Variants in PRKN observed in about 807,000 individuals in gnomAD.
PRKN encodes E3 ubiquitin-protein ligase parkin.
Under a neutral mutation model 59.5 loss-of-function variants are expected in PRKN, and 56 were observed. That is an observed-to-expected ratio of 0.94 (90% CI 0.76 to 1.18). The LOEUF is 1.18. PRKN is among the 50% of genes most tolerant of loss of function. The probability of loss-of-function intolerance (pLI) is 0.00; values close to 1 mark genes in which losing one functional copy is unlikely to be tolerated. For synonymous variants in PRKN, 250 were observed against 222.1 expected, an observed-to-expected ratio of 1.13 and a Z score of -1.12; for missense variants, 657 against 596.4, an observed-to-expected ratio of 1.10 and a Z score of -1.06.
At chr6:162,468,781 C>T (rs1245379580) in intron 1 of PRKN, among the ~76,000 whole-genome samples, 2 of 152,100 alleles carry the variant, frequency 1.3e-5, no homozygotes, top group Non-Finnish European at 2.9e-5. Flanking sequence ...TAAGTCTTCC[C>T]GTAAAACATT....
intron 5 of PRKN, among the ~76,000 whole-genome samples, chr6:161,975,995 TC>T (rs1321810510): frequency 6.6e-6 from 1 of 152,088 alleles, no homozygotes; most frequent in Non-Finnish European, 1.5e-5. Context: ...AACCTCCGCC[TC>T]CCAGGTTCAA....
intron 7 of PRKN, among the ~76,000 whole-genome samples, chr6:161,715,334 G>A (rs930521592): frequency 4.0e-5 from 6 of 151,896 alleles, no homozygotes; most frequent in Non-Finnish European, 7.4e-5. Flanking sequence ...CCTGACTTTC[G>A]GTGATGATCT....
At chr6:161,479,463 T>C (rs1427222720) in intron 9 of PRKN, among the ~76,000 whole-genome samples, 1 of 152,194 alleles carries the variant, frequency 6.6e-6, no homozygotes, top group Non-Finnish European at 1.5e-5. Context: ...ACATTTATAT[T>C]TTATAATCAG....
chr6:161,924,186 G>C (rs1022264554), intron 6 of PRKN, among the ~76,000 whole-genome samples: 1 of 152,044 alleles, frequency 6.6e-6, no homozygotes. Context: ...AGAATACCTA[G>C]GAAAAAGTAA....
At chr6:161,635,407 G>A (rs1039383177) in intron 7 of PRKN, among the ~76,000 whole-genome samples, 1 of 152,182 alleles carries the variant, frequency 6.6e-6, no homozygotes, top group African/African-American at 2.4e-5. Flanking sequence ...TACATGTGCT[G>A]ACAGATGGCC....
chr6:162,703,548 C>T (rs1364277108), intron 1 of PRKN, among the ~76,000 whole-genome samples: 2 of 152,170 alleles, frequency 1.3e-5, no homozygotes, highest in African/African-American at 2.4e-5. Context: ...CTTCATTTTT[C>T]CATGTCTTTC....
chr6:162,598,087 G>T (rs1031570803), intron 1 of PRKN, among the ~76,000 whole-genome samples: 1 of 152,170 alleles, frequency 6.6e-6, no homozygotes, highest in Non-Finnish European at 1.5e-5. Context: ...CATCCACTGA[G>T]ATCAAAATCA....
chr6:161,398,772 C>CAT (rs1237692434), intron 9 of PRKN, among the ~76,000 whole-genome samples: 6 of 152,092 alleles, frequency 3.9e-5, no homozygotes, highest in Non-Finnish European at 8.8e-5. Flanking sequence ...GTGTCCTGAT[C>CAT]ATATGATGGA....
chr6:162,126,165 T>C (rs2128306876), intron 4 of PRKN, among the ~76,000 whole-genome samples: 1 of 152,326 alleles, frequency 6.6e-6, no homozygotes, highest in East Asian at 1.9e-4. Context: ...AAACAATGGC[T>C]GTGCTATATG....
chr6:161,966,713 AGAG>A (rs1224223897), intron 6 of PRKN, among the ~76,000 whole-genome samples: 2 of 152,376 alleles, frequency 1.3e-5, no homozygotes, highest in East Asian at 3.9e-4. Flanking sequence ...GTTGGTAAGG[AGAG>A]GAGAACACAA....
At chr6:162,172,560 T>C (rs1031993686) in intron 4 of PRKN, among the ~76,000 whole-genome samples, 2 of 152,202 alleles carry the variant, frequency 1.3e-5, no homozygotes, top group African/African-American at 2.4e-5. Flanking sequence ...TCTTTATTTC[T>C]TCACCTGCAA....
chr6:161,678,216 C>CTTT lies in PRKN; in HGVS notation c.871+107553_871+107555dup, dbSNP rs3066554. On this transcript the variant is annotated intron_variant, in intron 7 of 11. Transcript: ENST00000366898. ...TTATGGTAATAACAATACTGAATCA[C>CTTT]TTTTTTTTTTTTTTTTTTTTTTTTT... Among the ~76,000 whole-genome samples, 310 of 64,942 alleles carry CTTT rather than the reference C, an allele frequency of 4.8e-3. 44 individuals carry two copies. The highest frequency in any genetic ancestry group is 8.2e-3 in the African/African-American group (104 of 12,690). The allele number at this position is 64,942 out of a possible 152,430, so 42.6% of individuals were successfully genotyped here. A position where few individuals can be genotyped will look rare whatever the true frequency, so the allele number is the denominator to read the frequency against.
At chr6:162,139,890 C>CAAAA (rs35011084) in intron 4 of PRKN, among the ~76,000 whole-genome samples, 1 of 137,836 alleles carries the variant, frequency 7.3e-6, no homozygotes, top group Non-Finnish European at 1.6e-5. Context: ...GACTCCATCT[C>CAAAA]AAAAAAAAAA....
intron 1 of PRKN, among the ~76,000 whole-genome samples, chr6:162,520,488 A>G (rs919422195): frequency 6.6e-6 from 1 of 152,150 alleles, no homozygotes; most frequent in African/African-American, 2.4e-5. Context: ...AAGTGCTGCT[A>G]TTCTCTTGGT....
In PRKN at chr6:161,456,438, A is replaced by G. The variant is rs112375713; in HGVS notation, c.1084-69561T>C. ...CCTTTGGCCACAGACTGAAGGCTGC[A>G]CTGTCGGCTTCCCTACTTTTGAGGT... is the stretch of plus-strand genomic sequence containing the variant. On this transcript the variant is annotated intron_variant, in intron 9 of 11. Transcript: ENST00000366898. This position sits in a 1 kb window ranked among gnomAD's most constrained non-coding sequence, Gnocchi z 4.8. Among the ~76,000 whole-genome samples, 1,951 of 152,276 alleles carry G rather than the reference A, an allele frequency of 0.013. 45 individuals are homozygous for G. The highest frequency in any genetic ancestry group is 0.044 in the African/African-American group (1,818 of 41,554).
intron 4 of PRKN, among the ~76,000 whole-genome samples, chr6:162,142,370 T>G (rs1781825718): frequency 6.6e-6 from 1 of 152,176 alleles, no homozygotes; most frequent in Non-Finnish European, 1.5e-5. Context: ...GTACTTGATG[T>G]ATGGCTTTGG....
intron 1 of PRKN, among the ~76,000 whole-genome samples, chr6:162,512,221 T>C (rs2022999): frequency 0.22 from 32,774 of 152,118 alleles, 3,849 homozygotes; most frequent in East Asian, 0.49. Flanking sequence ...CATTTCTTAT[T>C]ACAACAAAAG....
At chr6:162,699,532 A>G (rs1196021912) in intron 1 of PRKN, among the ~76,000 whole-genome samples, 2 of 152,224 alleles carry the variant, frequency 1.3e-5, no homozygotes, top group East Asian at 1.9e-4. Context: ...AATCAAGAAT[A>G]TGGGTTTTAA....
At chr6:162,481,706 A>G (rs1388456608) in intron 1 of PRKN, among the ~76,000 whole-genome samples, 2 of 152,204 alleles carry the variant, frequency 1.3e-5, no homozygotes, top group African/African-American at 4.8e-5. Flanking sequence ...ACCATTGATT[A>G]ACTAAAATAT....
Sources: allele counts gnomAD v4.1 joint callset (sites outside exome capture counted in the v4.1 genomes callset), GRCh38; gene constraint gnomAD v4.1.1; non-coding constraint Gnocchi (gnomAD v3.1); transcripts MANE v1.5; gene names NCBI Gene and HGNC (gene_info 2026-07-23, HGNC 2026-07-21).